APOLD1: variants seen among roughly 807,000 people sequenced by gnomAD.
The protein encoded by APOLD1 is apolipoprotein L domain containing 1, also known as apolipoprotein L domain-containing protein 1.
In APOLD1, 22 loss-of-function variants were observed where a neutral mutation model predicts 15.3. That is an observed-to-expected ratio of 1.44 (90% CI 1.03 to 2.05). APOLD1 has a LOEUF of 2.05. Among genes scored for constraint, APOLD1 ranks in the 30% most tolerant of loss-of-function variants. The pLI is 0.00. For missense variants in APOLD1, 394 were observed against 353.5 expected, an observed-to-expected ratio of 1.11 and a Z score of -0.92; for synonymous variants, 190 against 167.4, an observed-to-expected ratio of 1.13 and a Z score of -1.04.
upstream of APOLD1, among the ~76,000 whole-genome samples, chr12:12,781,526 C>CTTT (rs774609531): frequency 5.0e-5 from 7 of 138,834 alleles, no homozygotes; most frequent in South Asian, 4.5e-4. Flanking sequence ...ATCACTTTAT[C>CTTT]TTTTTTTTTT....
intron 1 of APOLD1, among the ~76,000 whole-genome samples, chr12:12,733,518 AAG>A (rs1379257930): frequency 1.3e-5 from 2 of 152,258 alleles, no homozygotes; most frequent in Non-Finnish European, 2.9e-5. Flanking sequence ...CAGGATTATG[AAG>A]AGACTTTCCC....
rs759798778 is a variant in APOLD1, at chr12:12,787,397, C to G, written c.492C>G (p.Tyr164Ter). 1 of 1,614,212 alleles carries G rather than the reference C, an allele frequency of 6.2e-7. No homozygotes were observed. Among genetic ancestry groups the G allele is most frequent in the South Asian group, 1.1e-5 (1 of 91,086 alleles). ...QCGRNASIAL[Y>*]NSVYFIVFFG... ...GGAGGAACGCCTCCATCGCCCTGTA[C>G]AATTCTGTCTACTTCATCGTCTTCT... The change falls in exon 2 of 2, where the codon TAC becomes TAG. Residue 164 changes from tyrosine to a stop codon, truncating the protein, a stop_gained. Coordinates refer to ENST00000356591, the MANE Select transcript of APOLD1 (RefSeq NM_030817.3). LOFTEE classifies it high-confidence loss of function. This position sits in a 1 kb window ranked among gnomAD's most constrained non-coding sequence, Gnocchi z 4.9.
At chr12:12,782,129 C>T (rs950769571), upstream of APOLD1, among the ~76,000 whole-genome samples, 4 of 151,874 alleles carry the variant, frequency 2.6e-5, no homozygotes, top group African/African-American at 7.2e-5. Flanking sequence ...CATGGTGGTG[C>T]GTGCCTGTAA....
upstream of APOLD1, among the ~76,000 whole-genome samples, chr12:12,782,943 T>C (rs977333747): frequency 6.6e-6 from 1 of 152,136 alleles, no homozygotes; most frequent in Non-Finnish European, 1.5e-5. Context: ...TGGTGGCTCA[T>C]GCCTGTAATC....
intron 1 of APOLD1, among the ~76,000 whole-genome samples, chr12:12,728,265 C>T (rs2136364891): frequency 6.6e-6 from 1 of 152,208 alleles, no homozygotes; most frequent in African/African-American, 2.4e-5. Context: ...CTGAGCCCAG[C>T]CTGTTTAATA....
At chr12:12,731,653 G>A (rs962935768) in intron 1 of APOLD1, among the ~76,000 whole-genome samples, 1 of 152,210 alleles carries the variant, frequency 6.6e-6, no homozygotes, top group African/African-American at 2.4e-5. Context: ...AATATGAAAG[G>A]CTTTTAATAA....
intron 1 of APOLD1, 77 bp downstream of exon 1, chr12:12,785,771 G>A: frequency 7.0e-7 from 1 of 1,436,332 alleles, no homozygotes; most frequent in Non-Finnish European, 9.8e-7. Flanking sequence ...AATTATCCCT[G>A]GTGGGTTGGA....
At chr12:12,771,782 G>A (rs941498162) in intron 1 of APOLD1, 7 of 218,510 alleles carry the variant, frequency 3.2e-5, no homozygotes, top group Non-Finnish European at 5.5e-5. Flanking sequence ...ATATAGCTAT[G>A]TATATTTATG....
rs1457755130 is a variant in APOLD1, at chr12:12,788,432, G to GA, written c.*781dup. On this transcript the variant is annotated 3_prime_UTR_variant, in exon 2 of 2. Coordinates refer to ENST00000356591, the MANE Select transcript of APOLD1 (RefSeq NM_030817.3). Reference sequence around the variant, plus strand: ...GAAGAGAGTGATGGGTTTTGAGTTAGACAGTCCTGGGCTTGAGACAGGCTT... The same window carrying GA: ...GAAGAGAGTGATGGGTTTTGAGTTAGAACAGTCCTGGGCTTGAGACAGGCTT... The GA allele has an allele frequency of 6.6e-6, 1 of 152,226 alleles. No homozygotes were observed. The highest frequency in any genetic ancestry group is 6.5e-5 in the Admixed American group (1 of 15,272). The allele number at this position is 152,226 out of a possible 1,614,324, so 9.4% of individuals were successfully genotyped here. A position where few individuals can be genotyped will look rare whatever the true frequency, so the allele number is the denominator to read the frequency against.
chr12:12,726,775 T>G (rs1263627545), intron 1 of APOLD1, among the ~76,000 whole-genome samples: 1 of 152,188 alleles, frequency 6.6e-6, no homozygotes, highest in African/African-American at 2.4e-5. Flanking sequence ...CCAACCTGAT[T>G]ATGCCTTTAG....
At chr12:12,775,915 G>T (rs1947028031) in intron 1 of APOLD1, among the ~76,000 whole-genome samples, 2 of 141,370 alleles carry the variant, frequency 1.4e-5, no homozygotes, top group African/African-American at 2.6e-5. Context: ...GAGGTGAGAG[G>T]ATTGCTTGAG....
rs976978332 is a variant in APOLD1 at position 12,787,102 on chromosome 12, G to C, written c.197G>C (p.Gly66Ala). ...GCCGGCAGCTCGCTGAGCGCAACGG[G>C]CGCCCTCGCCGCCATCGTGGGGCTC... ...NVAGSSLSATGALAAIVGLSL... is the reference protein window; with the variant it reads ...NVAGSSLSATAALAAIVGLSL... The change falls in exon 2 of 2, where the codon GGC becomes GCC. Residue 66 changes from glycine (G) to alanine (A), a missense_variant. Coordinates refer to ENST00000356591, the MANE Select transcript of APOLD1 (RefSeq NM_030817.3). This position sits in a 1 kb window ranked among gnomAD's most constrained non-coding sequence, Gnocchi z 4.9. 5.7e-6 allele frequency: 8 copies of C among 1,414,668 alleles called. No homozygotes were observed. Among genetic ancestry groups the C allele is most frequent in the Non-Finnish European group, 7.3e-6 (8 of 1,095,282 alleles). The allele number at this position is 1,414,668 out of a possible 1,614,324, so 87.6% of individuals were successfully genotyped here.
At position 12,750,176 on chromosome 12, in the gene APOLD1, C is replaced by A. The variant is rs138689227; in HGVS notation, c.96+24080C>A. Among the ~76,000 whole-genome samples the A allele has an allele frequency of 7.2e-3, 1,101 of 152,114 alleles. 12 individuals are homozygous for A. Among genetic ancestry groups the A allele is most frequent in the South Asian group, 0.026 (126 of 4,802 alleles). ...TCACCTGAGGTTGGGAGTTCGAGAC[C>A]GGCCTGACCAACATGGAGAAACCCT... On this transcript the variant is annotated intron_variant, in intron 1 of 1. Transcript: ENST00000326765.
intron 1 of APOLD1, among the ~76,000 whole-genome samples, chr12:12,733,976 C>T (rs1376494010): frequency 2.0e-5 from 3 of 152,164 alleles, no homozygotes; most frequent in Non-Finnish European, 4.4e-5. Flanking sequence ...GTCTCACATA[C>T]GGTCTCATTC....
chr12:12,730,026 TTGTGTGTGTGTGTGTGTGTGTGTGTGTG>T (rs749843349), intron 1 of APOLD1, among the ~76,000 whole-genome samples: 1 of 117,738 alleles, frequency 8.5e-6, no homozygotes, highest in Non-Finnish European at 1.7e-5. Context: ...CCAGCTAACT[TTGTGTGTGTGTGTGTGTGTGTGTGTGTG>T]TGTGTGTGTG....
rs1947173637 is a variant in APOLD1, at chr12:12,790,235, C to T, written c.*2583C>T. On this transcript the variant is annotated 3_prime_UTR_variant, in exon 2 of 2. Transcript: ENST00000356591. ...GGCCAGGCTGGTCTTGAACTCCTGG[C>T]CTTATGTGATCCGCCCACCTTGGCT... 6.6e-6 allele frequency: 1 copy of T among 152,098 alleles called. No homozygotes were observed. The highest frequency in any genetic ancestry group is 1.5e-5 in the Non-Finnish European group (1 of 68,024). The allele number at this position is 152,098 out of a possible 1,614,324, so 9.4% of individuals were successfully genotyped here.
chr12:12,749,741 T>A (rs1418376335), intron 1 of APOLD1, among the ~76,000 whole-genome samples: 5 of 152,216 alleles, frequency 3.3e-5, no homozygotes, highest in Non-Finnish European at 7.3e-5. Flanking sequence ...AACAGAATTC[T>A]GTAACCCGGG....
Position 12,785,684 on chromosome 12 carries a change from A to G in APOLD1, c.-8A>G, listed in dbSNP as rs1391421049. The G allele has an allele frequency of 2.5e-6, 4 of 1,614,184 alleles. No homozygotes were observed. The highest frequency in any genetic ancestry group is 2.5e-6 in the Non-Finnish European group (3 of 1,179,988). Reference sequence around the variant, plus strand: ...AGATTTTACTTTCCTGGAGGCAGACAGAAGTGAATGGTAAGTGGGGAACCC... The same window carrying G: ...AGATTTTACTTTCCTGGAGGCAGACGGAAGTGAATGGTAAGTGGGGAACCC... On this transcript the variant is annotated 5_prime_UTR_variant, in exon 1 of 2. Transcript: ENST00000356591.
intron 1 of APOLD1, among the ~76,000 whole-genome samples, chr12:12,733,217 T>C (rs1592288339): frequency 6.6e-6 from 1 of 150,698 alleles, no homozygotes; most frequent in Non-Finnish European, 1.5e-5. Flanking sequence ...TCACAGCTAC[T>C]CAGAAGGTTG....
Sources: gnomAD v4.1 joint callset for allele counts (sites outside exome capture counted in the v4.1 genomes callset) on GRCh38, gnomAD v4.1.1 for gene constraint, Gnocchi (gnomAD v3.1) non-coding constraint, MANE v1.5 for transcripts, NCBI Gene and HGNC (gene_info 2026-07-23, HGNC 2026-07-21) for gene names.